Variants in GMDS observed in about 807,000 individuals in gnomAD.
GMDS encodes GDP-mannose 4,6 dehydratase.
Under a neutral mutation model 49.9 loss-of-function variants are expected in GMDS, and 20 were observed. The ratio of observed to expected loss-of-function variants is 0.40; its 90% CI spans 0.28 to 0.58. The LOEUF (loss-of-function observed/expected upper bound fraction) is 0.58. Ranked by LOEUF, GMDS falls within the 20% of genes least tolerant of loss-of-function variation. The probability of loss-of-function intolerance (pLI) is 0.42; values close to 1 mark genes in which losing one functional copy is unlikely to be tolerated. For synonymous variants in GMDS, 177 were observed against 178.6 expected, an observed-to-expected ratio of 0.99 and a Z score of 0.07; for missense variants, 362 against 481.4, an observed-to-expected ratio of 0.75 and a Z score of 2.32.
chr6:2,166,632 T>C (rs1357735453), intron 1 of GMDS, among the ~76,000 whole-genome samples: 1 of 152,134 alleles, frequency 6.6e-6, no homozygotes, highest in South Asian at 2.1e-4. Context: ...GTAAGAAGAT[T>C]TATGTGAAGA....
At chr6:1,669,975 C>G (rs2436582) in intron 9 of GMDS, among the ~76,000 whole-genome samples, 2 of 143,412 alleles carry the variant, frequency 1.4e-5, no homozygotes, top group Non-Finnish European at 1.5e-5. Context: ...GCTGGGTGAC[C>G]GGAGAGGTCA....
At chr6:2,051,948 C>T (rs980025556) in intron 4 of GMDS, among the ~76,000 whole-genome samples, 3 of 151,718 alleles carry the variant, frequency 2.0e-5, no homozygotes, top group African/African-American at 4.8e-5. Context: ...GAAACCCCAT[C>T]CCTACTAAAA....
At chr6:1,963,832 C>T (rs1173680533) in intron 4 of GMDS, among the ~76,000 whole-genome samples, 1 of 152,182 alleles carries the variant, frequency 6.6e-6, no homozygotes, top group East Asian at 1.9e-4. Context: ...CACAGCAGGG[C>T]CACAACTGTA....
intron 1 of GMDS, among the ~76,000 whole-genome samples, chr6:2,220,053 C>T (rs1160001728): frequency 6.6e-6 from 1 of 152,178 alleles, no homozygotes; most frequent in African/African-American, 2.4e-5. Context: ...TATTCAAGGG[C>T]TAGGGCAGTG....
chr6:1,798,810 C>A (rs186572683), intron 7 of GMDS, among the ~76,000 whole-genome samples: 1 of 152,186 alleles, frequency 6.6e-6, no homozygotes, highest in African/African-American at 2.4e-5. Context: ...GAATACGAGA[C>A]AGCTTTGTTG....
chr6:2,191,083 A>T lies in GMDS; in HGVS notation c.102+54238T>A, dbSNP rs977308265. On this transcript the variant is annotated intron_variant, in intron 1 of 10. Coordinates refer to ENST00000380815, the MANE Select transcript of GMDS (RefSeq NM_001500.4). The surrounding 1 kb of genome is among the most constrained non-coding windows in gnomAD (Gnocchi z 4.6). ...CAGTGCCCACTACAGGGACCCAGCC[A>T]GTGGTGCGGTCACCACGCCCACTGC... Among the ~76,000 whole-genome samples, 1 of 152,080 alleles carries T rather than the reference A, an allele frequency of 6.6e-6. No homozygotes were observed. Among genetic ancestry groups the T allele is most frequent in the African/African-American group, 2.4e-5 (1 of 41,418 alleles).
rs531025893 is a variant in GMDS, at chr6:2,184,933, A to G, written c.103-60202T>C. Reference sequence around the variant, plus strand: ...TTTCACAATACTTGCCACACTCTAGAGTCGCTATTCATTTATGTGTTGATC... The same window carrying G: ...TTTCACAATACTTGCCACACTCTAGGGTCGCTATTCATTTATGTGTTGATC... On this transcript the variant is annotated intron_variant, in intron 1 of 10. Transcript: ENST00000380815. 1.2e-4 allele frequency among the ~76,000 whole-genome samples: 18 copies of G among 152,264 alleles called. No homozygotes were observed. In the South Asian group the frequency reaches 2.3e-3, roughly 19 times the overall value.
chr6:1,913,130 C>T (rs1243684604), intron 7 of GMDS, among the ~76,000 whole-genome samples: 2 of 151,998 alleles, frequency 1.3e-5, no homozygotes, highest in Non-Finnish European at 2.9e-5. Context: ...GCCTGTAATC[C>T]CAGCACTTTG....
chr6:2,032,959 T>G (rs1460476937), intron 4 of GMDS, among the ~76,000 whole-genome samples: 2 of 152,206 alleles, frequency 1.3e-5, no homozygotes, highest in African/African-American at 4.8e-5. Flanking sequence ...ATTTCATTTT[T>G]AAAAATTCTA....
intron 9 of GMDS, among the ~76,000 whole-genome samples, chr6:1,669,807 T>C (rs1263936673): frequency 1.4e-5 from 2 of 145,390 alleles, no homozygotes; most frequent in African/African-American, 5.1e-5. Flanking sequence ...AAGCTACTAG[T>C]GAGGCTGAGG....
chr6:2,139,524 A>G (rs1010019632), intron 1 of GMDS, among the ~76,000 whole-genome samples: 1 of 152,180 alleles, frequency 6.6e-6, no homozygotes, highest in Non-Finnish European at 1.5e-5. Context: ...ATTGTTCCTG[A>G]TCATACGATG....
chr6:1,862,863 G>A (rs1194309311), intron 7 of GMDS, among the ~76,000 whole-genome samples: 1 of 152,136 alleles, frequency 6.6e-6, no homozygotes, highest in Non-Finnish European at 1.5e-5. Context: ...ACACTTATGA[G>A]TAAGTCTTTC....
intron 7 of GMDS, among the ~76,000 whole-genome samples, chr6:1,862,916 C>A (rs1403757735): frequency 2.6e-5 from 4 of 152,072 alleles, no homozygotes; most frequent in Non-Finnish European, 5.9e-5. Context: ...ACAACTTATA[C>A]AAAACACTGA....
At chr6:1,650,783 T>C (rs1763628641) in intron 9 of GMDS, among the ~76,000 whole-genome samples, 1 of 152,126 alleles carries the variant, frequency 6.6e-6, no homozygotes, top group Non-Finnish European at 1.5e-5. Context: ...TTTCGCCATG[T>C]TGTCCAGGCT....
intron 7 of GMDS, among the ~76,000 whole-genome samples, chr6:1,745,030 T>C (rs1282217321): frequency 1.3e-5 from 2 of 152,226 alleles, no homozygotes; most frequent in Non-Finnish European, 2.9e-5. Flanking sequence ...TTTGCCAAAA[T>C]ACCTTCAGAA....
At chr6:1,960,345 TC>T (rs1376124015) in intron 5 of GMDS, among the ~76,000 whole-genome samples, 4 of 151,256 alleles carry the variant, frequency 2.6e-5, no homozygotes, top group Non-Finnish European at 5.9e-5. Flanking sequence ...ATTAATATTC[TC>T]CTTACAAACA....
intron 4 of GMDS, among the ~76,000 whole-genome samples, chr6:2,055,623 G>A (rs967869443): frequency 6.4e-4 from 98 of 152,002 alleles, no homozygotes; most frequent in African/African-American, 2.3e-3. Context: ...AGTGGTTAAC[G>A]GAGAAAACAC....
intron 7 of GMDS, among the ~76,000 whole-genome samples, chr6:1,915,478 C>T (rs532957805): frequency 4.6e-5 from 7 of 152,366 alleles, no homozygotes; most frequent in African/African-American, 1.7e-4. Flanking sequence ...GGGCCAGCAG[C>T]TCCCAGCTCC....
At chr6:1,696,105 G>T (rs919753812) in intron 9 of GMDS, among the ~76,000 whole-genome samples, 1 of 152,040 alleles carries the variant, frequency 6.6e-6, no homozygotes, top group Non-Finnish European at 1.5e-5. Flanking sequence ...AAACATGCAG[G>T]AGAGGGTGAT....
Sources: gnomAD v4.1 joint callset for allele counts (sites outside exome capture counted in the v4.1 genomes callset) on GRCh38, gnomAD v4.1.1 for gene constraint, Gnocchi (gnomAD v3.1) non-coding constraint, MANE v1.5 for transcripts, NCBI Gene and HGNC (gene_info 2026-07-23, HGNC 2026-07-21) for gene names.